The following PPIG variants were observed in gnomAD, a reference collection of about 807,000 sequenced individuals.
PPIG encodes peptidyl-prolyl cis-trans isomerase G.
In PPIG, 26 loss-of-function variants were observed where a neutral mutation model predicts 87.9. The ratio of observed to expected loss-of-function variants is 0.30; its 90% CI spans 0.22 to 0.41. PPIG has a LOEUF of 0.41. Ranked by LOEUF, PPIG falls within the 10% of genes least tolerant of loss-of-function variation. The pLI is 1.00. For missense variants in PPIG, 722 were observed against 879.4 expected, an observed-to-expected ratio of 0.82 and a Z score of 2.26; for synonymous variants, 308 against 276.5, an observed-to-expected ratio of 1.11 and a Z score of -1.13.
At chr2:169,634,342 G>A (rs1175426088) in intron 12 of PPIG, among the ~76,000 whole-genome samples, 6 of 152,146 alleles carry the variant, frequency 3.9e-5, no homozygotes, top group Admixed American at 1.3e-4. Flanking sequence ...AATTACAGGC[G>A]TGAGCCACCG....
At chr2:169,592,998 A>G (rs1028610539) in intron 1 of PPIG, among the ~76,000 whole-genome samples, 57 of 152,112 alleles carry the variant, frequency 3.7e-4, no homozygotes, top group African/African-American at 1.4e-3. Flanking sequence ...CATTTGAGGC[A>G]TATGTGATTT....
chr2:169,601,277 C>G (rs934114668), intron 1 of PPIG, among the ~76,000 whole-genome samples: 1 of 152,210 alleles, frequency 6.6e-6, no homozygotes, highest in African/African-American at 2.4e-5. Context: ...CTCACTTATG[C>G]CTATCCTCTC....
At chr2:169,588,147 G>A (rs1016858041) in intron 1 of PPIG, among the ~76,000 whole-genome samples, 1 of 11,502 alleles carries the variant, frequency 8.7e-5, no homozygotes, top group African/African-American at 3.4e-4. Context: ...CCTGGGAAAC[G>A]AGCGAAACTC....
At chr2:169,628,356 T>C (rs1167623768) in intron 9 of PPIG, among the ~76,000 whole-genome samples, 2 of 152,224 alleles carry the variant, frequency 1.3e-5, no homozygotes, top group Non-Finnish European at 2.9e-5. Context: ...TCTTCAGCTT[T>C]TATACCTTGT....
intron 1 of PPIG, among the ~76,000 whole-genome samples, chr2:169,598,992 A>C (rs1042322801): frequency 6.6e-6 from 1 of 151,838 alleles, no homozygotes; most frequent in African/African-American, 2.4e-5. Context: ...GCCTTTTACT[A>C]CTACAAATTA....
intron 9 of PPIG, among the ~76,000 whole-genome samples, chr2:169,628,929 A>G (rs1685964215): frequency 7.5e-6 from 1 of 133,342 alleles, no homozygotes; most frequent in African/African-American, 2.9e-5. Flanking sequence ...ACAGAGCAAG[A>G]CCCTGTCTCC....
At chr2:169,615,298 T>G (rs1685582799) in intron 9 of PPIG, among the ~76,000 whole-genome samples, 3 of 152,202 alleles carry the variant, frequency 2.0e-5, no homozygotes, top group African/African-American at 7.2e-5. Context: ...CCGCCTGCCT[T>G]GGCCCCCCAA....
intron 1 of PPIG, among the ~76,000 whole-genome samples, chr2:169,596,412 G>A (rs183455511): frequency 1.3e-5 from 2 of 152,100 alleles, no homozygotes; most frequent in East Asian, 3.9e-4. Flanking sequence ...GCCGAAAATT[G>A]TGTTTTGAGT....
chr2:169,606,637 C>T (rs1440509969), intron 5 of PPIG, among the ~76,000 whole-genome samples: 1 of 142,370 alleles, frequency 7.0e-6, no homozygotes, highest in Non-Finnish European at 1.5e-5. Context: ...ATAATTTTGC[C>T]TTTGACACAT....
In PPIG at chr2:169,591,920, A is replaced by ATTTTTTT. The variant is rs3067016; in HGVS notation, c.-70+7449_-70+7455dup. On this transcript the variant is annotated intron_variant, in intron 1 of 13. Transcript: ENST00000260970. ...TTCTAGTATTTTTAGGCAATTCATG[A>ATTTTTTT]TTTTTTTTTTTTTTTTTTTTTTTTT... 1.7e-4 allele frequency among the ~76,000 whole-genome samples: 15 copies of ATTTTTTT among 87,406 alleles called. 1 individual carries two copies. The highest frequency in any genetic ancestry group is 8.4e-4 in the Admixed American group (5 of 5,970). 57.3% of individuals were successfully genotyped at this position (87,406 alleles called of 152,430 possible).
At chr2:169,616,309 T>C (rs1329088480) in intron 9 of PPIG, among the ~76,000 whole-genome samples, 5 of 152,168 alleles carry the variant, frequency 3.3e-5, no homozygotes, top group African/African-American at 4.8e-5. Context: ...AGTAAACATA[T>C]GTGTGCATGT....
intron 1 of PPIG, among the ~76,000 whole-genome samples, chr2:169,594,744 C>T (rs1684973262): frequency 6.6e-6 from 1 of 151,302 alleles, no homozygotes; most frequent in Non-Finnish European, 1.5e-5. Flanking sequence ...CCTGTCCCAG[C>T]CTCCCAAGTA....
chr2:169,600,919 T>C (rs369071677), intron 1 of PPIG, among the ~76,000 whole-genome samples: 2 of 138,930 alleles, frequency 1.4e-5, no homozygotes, highest in East Asian at 4.1e-4. Flanking sequence ...CATATTCTTA[T>C]TGCAAAAATT....
chr2:169,633,522 C>T (rs1029506423), intron 12 of PPIG: 1 of 496,596 alleles, frequency 2.0e-6, no homozygotes, highest in African/African-American at 2.0e-5. Flanking sequence ...ATCACTGTAT[C>T]TCTATTCTTG....
intron 1 of PPIG, among the ~76,000 whole-genome samples, chr2:169,601,400 C>T (rs969108287): frequency 6.6e-6 from 1 of 152,014 alleles, no homozygotes; most frequent in African/African-American, 2.4e-5. Flanking sequence ...AACTTATATT[C>T]TAGTGAGAGA....
At chr2:169,596,126 G>A (rs757548398) in intron 1 of PPIG, among the ~76,000 whole-genome samples, 4 of 144,532 alleles carry the variant, frequency 2.8e-5, no homozygotes, top group South Asian at 2.2e-4. Context: ...TTTTTGAGAC[G>A]GAGTCTCACT....
At chr2:169,606,591 CAAAAAA>C (rs71006009) in intron 5 of PPIG, among the ~76,000 whole-genome samples, 1 of 85,032 alleles carries the variant, frequency 1.2e-5, no homozygotes, top group South Asian at 3.6e-4. Flanking sequence ...GACTCTGTCT[CAAAAAA>C]AAAAAAAAAA....
intron 1 of PPIG, among the ~76,000 whole-genome samples, chr2:169,591,004 C>A (rs1253364706): frequency 6.6e-6 from 1 of 152,186 alleles, no homozygotes; most frequent in Non-Finnish European, 1.5e-5. Context: ...GAGACCCTGT[C>A]TCTAAAAATA....
At chr2:169,590,437 G>A (rs934706338) in intron 1 of PPIG, among the ~76,000 whole-genome samples, 6 of 152,114 alleles carry the variant, frequency 3.9e-5, no homozygotes, top group African/African-American at 1.2e-4. Context: ...TCAGGAGATC[G>A]AGACCATCCT....
Sources: gnomAD v4.1 joint callset for allele counts (sites outside exome capture counted in the v4.1 genomes callset) on GRCh38, gnomAD v4.1.1 for gene constraint, MANE v1.5 for transcripts, NCBI Gene and HGNC (gene_info 2026-07-23, HGNC 2026-07-21) for gene names.